BCAS3: variants seen among roughly 807,000 people sequenced by gnomAD.
BCAS3 encodes the protein BCAS4/BCAS3 fusion.
A neutral mutation model predicts 116.1 loss-of-function variants in BCAS3; 53 were observed. The ratio of observed to expected loss-of-function variants is 0.46; its 90% CI spans 0.37 to 0.57. The LOEUF (loss-of-function observed/expected upper bound fraction) is 0.57, where lower values mean the gene tolerates loss of function less well. Ranked by LOEUF, BCAS3 falls within the 20% of genes least tolerant of loss-of-function variation. The pLI, the probability that BCAS3 is intolerant of heterozygous loss-of-function variation, is 0.00. For missense variants in BCAS3, 917 were observed against 1,165.4 expected, an observed-to-expected ratio of 0.79 and a Z score of 3.10; for synonymous variants, 391 against 408.2, an observed-to-expected ratio of 0.96 and a Z score of 0.51.
chr17:60,762,806 C>T (rs986005817), intron 6 of BCAS3, among the ~76,000 whole-genome samples: 9 of 151,958 alleles, frequency 5.9e-5, no homozygotes, highest in African/African-American at 1.7e-4. Context: ...GCCATTTTCA[C>T]GATATTGATT....
chr17:61,003,634 A>G, intron 15 of BCAS3, among the ~76,000 whole-genome samples: 1 of 152,004 alleles, frequency 6.6e-6, no homozygotes, highest in Non-Finnish European at 1.5e-5. Context: ...ATTATACTTA[A>G]GCTAGATAGA....
At chr17:60,793,920 T>A (rs1254845231) in intron 6 of BCAS3, among the ~76,000 whole-genome samples, 3 of 152,210 alleles carry the variant, frequency 2.0e-5, no homozygotes, top group Admixed American at 1.3e-4. Flanking sequence ...TCTGGGTAGA[T>A]ACCCATAGTG....
At chr17:61,260,445 T>C (rs1468871539) in intron 22 of BCAS3, among the ~76,000 whole-genome samples, 2 of 152,220 alleles carry the variant, frequency 1.3e-5, no homozygotes, top group Admixed American at 6.5e-5. Flanking sequence ...TTCTGAAATA[T>C]GCAATTTTAC....
intron 6 of BCAS3, among the ~76,000 whole-genome samples, chr17:60,773,221 A>G (rs2044909336): frequency 6.7e-6 from 1 of 148,868 alleles, no homozygotes; most frequent in East Asian, 2.0e-4. Context: ...GATGTGGAAT[A>G]TCTTTAAATA....
rs1044475759 is a variant in BCAS3 at position 61,387,131 on chromosome 17, C to T, written c.2594-4846C>T. On this transcript the variant is annotated intron_variant, in intron 23 of 23. Transcript: ENST00000407086. The surrounding 1 kb of genome is among the most constrained non-coding windows in gnomAD (Gnocchi z 6.2). Reference sequence around the variant, plus strand: ...GGTTTGGCCTCTCCAGCTTTCCCTGCGTCTCACACAGGCCCTGTGCCCTCC... The same window carrying T: ...GGTTTGGCCTCTCCAGCTTTCCCTGTGTCTCACACAGGCCCTGTGCCCTCC... Among the ~76,000 whole-genome samples the T allele has an allele frequency of 2.0e-5, 3 of 152,200 alleles. No individual in the cohort carries two copies. Among genetic ancestry groups the T allele is most frequent in the East Asian group, 1.9e-4 (1 of 5,190 alleles).
intron 6 of BCAS3, among the ~76,000 whole-genome samples, chr17:60,769,028 G>A (rs1354243234): frequency 6.6e-6 from 1 of 152,178 alleles, no homozygotes; most frequent in East Asian, 1.9e-4. Context: ...ATAGTGGTGG[G>A]TGCCAGCTCT....
In BCAS3 at chr17:61,309,463, G is replaced by T. The variant is rs2054124297; in HGVS notation, c.2426-58864G>T. 6.6e-6 allele frequency among the ~76,000 whole-genome samples: 1 copy of T among 152,100 alleles called. No individual in the cohort carries two copies. Among genetic ancestry groups the T allele is most frequent in the Non-Finnish European group, 1.5e-5 (1 of 68,038 alleles). ...AAGCCACCGACAGGGGCATAACTGTGGACCTAAAGTGGACATCAGAGGGGT... is the reference window on the plus strand; with the variant it reads ...AAGCCACCGACAGGGGCATAACTGTTGACCTAAAGTGGACATCAGAGGGGT... On this transcript the variant is annotated intron_variant, in intron 22 of 23. Transcript: ENST00000407086. The surrounding 1 kb of genome is among the most constrained non-coding windows in gnomAD (Gnocchi z 4.6).
chr17:60,968,025 TCAGAGGG>T (rs2061751519), intron 14 of BCAS3, among the ~76,000 whole-genome samples: 1 of 152,098 alleles, frequency 6.6e-6, no homozygotes, highest in African/African-American at 2.4e-5. Flanking sequence ...GAATTCTTGG[TCAGAGGG>T]CTCACAGATC....
At chr17:60,787,961 G>C (rs541353743) in intron 6 of BCAS3, among the ~76,000 whole-genome samples, 1 of 151,102 alleles carries the variant, frequency 6.6e-6, no homozygotes, top group South Asian at 2.1e-4. Context: ...AAGATGAATG[G>C]TTTCACCATA....
chr17:61,045,933 A>AATATATATATATTATATATATAAAT (rs1332679070), intron 19 of BCAS3, among the ~76,000 whole-genome samples: 1 of 16,888 alleles, frequency 5.9e-5, no homozygotes, highest in African/African-American at 1.1e-3. Context: ...AATATATATA[A>AATATATATATATTATATATATAAAT]ATATATATAT....
chr17:61,006,734 G>A (rs950935217), intron 15 of BCAS3, among the ~76,000 whole-genome samples: 8 of 152,030 alleles, frequency 5.3e-5, no homozygotes, highest in African/African-American at 1.9e-4. Flanking sequence ...ACTTGATTCA[G>A]AGGAGTGGGA....
chr17:60,680,571 C>G (rs2032906199), intron 2 of BCAS3, among the ~76,000 whole-genome samples: 1 of 151,648 alleles, frequency 6.6e-6, no homozygotes, highest in Non-Finnish European at 1.5e-5. Flanking sequence ...TTTTGGCATT[C>G]TTTGACAAAG....
chr17:60,748,992 G>GT (rs1568161247), intron 6 of BCAS3: 2 of 152,208 alleles, frequency 1.3e-5, no homozygotes, highest in Admixed American at 1.3e-4. Flanking sequence ...AGAACAAGGA[G>GT]TTCCATCAGT....
chr17:61,201,593 T>C (rs1276139139), intron 22 of BCAS3, among the ~76,000 whole-genome samples: 1 of 152,118 alleles, frequency 6.6e-6, no homozygotes, highest in Non-Finnish European at 1.5e-5. Context: ...GGTGAGAGAC[T>C]GGAAGCCCTA....
intron 6 of BCAS3, among the ~76,000 whole-genome samples, chr17:60,785,809 C>A (rs945885765): frequency 1.3e-5 from 2 of 152,200 alleles, no homozygotes; most frequent in Non-Finnish European, 2.9e-5. Context: ...GTTTCCACAT[C>A]TGTGGATTCA....
At position 60,789,066 on chromosome 17, in the gene BCAS3, A is replaced by G. The variant is rs532432228; in HGVS notation, c.404-18938A>G. On this transcript the variant is annotated intron_variant, in intron 6 of 23. Transcript: ENST00000407086. Reference sequence around the variant, plus strand: ...AGAAGACTTGGAAATGGTTTAAATGATAAATTTAGTTGTTCAATGGAATCC... The same window carrying G: ...AGAAGACTTGGAAATGGTTTAAATGGTAAATTTAGTTGTTCAATGGAATCC... Among the ~76,000 whole-genome samples the G allele has an allele frequency of 1.2e-4, 19 of 152,298 alleles. No homozygotes were observed. In the East Asian group the frequency reaches 3.7e-3, roughly 29 times the overall value.
rs1182582022 is a variant in BCAS3 at position 61,361,862 on chromosome 17, C to A, written c.2426-6465C>A. On this transcript the variant is annotated intron_variant, in intron 22 of 23. Coordinates refer to ENST00000407086, the MANE Select transcript of BCAS3 (RefSeq NM_017679.5). The surrounding 1 kb of genome is among the most constrained non-coding windows in gnomAD (Gnocchi z 6.5). ...CCAAGGGCAGGAATTAGTGTCCTAA[C>A]TCCGACAGAGAGAACAAATTTGCCT... The A allele has an allele frequency of 6.6e-6, 1 of 152,194 alleles. No homozygotes were observed. Among genetic ancestry groups the A allele is most frequent in the African/African-American group, 2.4e-5 (1 of 41,448 alleles). 9.4% of individuals were successfully genotyped at this position (152,194 alleles called of 1,614,324 possible). A position where few individuals can be genotyped will look rare whatever the true frequency, so the allele number is the denominator to read the frequency against.
intron 22 of BCAS3, among the ~76,000 whole-genome samples, chr17:61,107,529 T>C (rs556028588): frequency 1.3e-5 from 2 of 152,354 alleles, no homozygotes; most frequent in South Asian, 4.1e-4. Flanking sequence ...CCACCATCTC[T>C]GACCCCTGCC....
At position 61,122,153 on chromosome 17, in the gene BCAS3, C is replaced by T. The variant is rs137957679; in HGVS notation, c.2425+37589C>T. ...GGAAGAGTATTGAACAGTCTCCCTT[C>T]CCCCAGTTTTAATCACAACTAAAAT... On this transcript the variant is annotated intron_variant, in intron 22 of 23. Transcript: ENST00000407086. This position sits in a 1 kb window ranked among gnomAD's most constrained non-coding sequence, Gnocchi z 4.6. 4.8e-3 allele frequency among the ~76,000 whole-genome samples: 732 copies of T among 152,294 alleles called. 2 individuals are homozygous for T. The highest frequency in any genetic ancestry group is 0.027 in the Middle Eastern group (8 of 294).
Sources: gnomAD v4.1 joint callset for allele counts (sites outside exome capture counted in the v4.1 genomes callset) on GRCh38, gnomAD v4.1.1 for gene constraint, Gnocchi (gnomAD v3.1) non-coding constraint, MANE v1.5 for transcripts, NCBI Gene and HGNC (gene_info 2026-07-23, HGNC 2026-07-21) for gene names.